The following JAKMIP1 variants were observed in gnomAD, a reference collection of about 807,000 sequenced individuals.
JAKMIP1 encodes the protein janus kinase and microtubule-interacting protein 1.
JAKMIP1 carries 33 observed loss-of-function variants against 113.0 expected under a neutral mutation model. The ratio of observed to expected loss-of-function variants is 0.29; its 90% CI spans 0.22 to 0.39. JAKMIP1 has a LOEUF of 0.39. JAKMIP1 is among the 10% of genes least tolerant of loss of function. The pLI is 1.00. For synonymous variants in JAKMIP1, 480 were observed against 459.9 expected (o/e 1.04, Z -0.56); for missense variants, 813 against 1,080.5 (o/e 0.75, Z 3.47).
intron 16 of JAKMIP1, among the ~76,000 whole-genome samples, chr4:6,043,762 A>G (rs533018274): frequency 1.5e-5 from 1 of 68,870 alleles, no homozygotes; most frequent in African/African-American, 6.0e-5. Flanking sequence ...CTGCCCCCCC[A>G]GCCAGCAAGT....
chr4:6,028,880 A>G (rs1712209327), intron 20 of JAKMIP1, among the ~76,000 whole-genome samples: 1 of 152,236 alleles, frequency 6.6e-6, no homozygotes, highest in African/African-American at 2.4e-5. Flanking sequence ...CTCATCTAGA[A>G]TCATTTGCGT....
chr4:6,087,134 G>C (rs1318435744), intron 3 of JAKMIP1, among the ~76,000 whole-genome samples: 3 of 152,180 alleles, frequency 2.0e-5, no homozygotes, highest in Admixed American at 6.5e-5. Context: ...CATTTCAGTG[G>C]ATTACAATCC....
At chr4:6,068,136 C>T (rs1025686412) in intron 8 of JAKMIP1, among the ~76,000 whole-genome samples, 9 of 152,206 alleles carry the variant, frequency 5.9e-5, no homozygotes, top group Non-Finnish European at 1.0e-4. Flanking sequence ...AAAGACTCAA[C>T]TCTCAAGCCC....
chr4:6,147,563 C>T (rs979849161), intron 1 of JAKMIP1, among the ~76,000 whole-genome samples: 6 of 152,186 alleles, frequency 3.9e-5, no homozygotes, highest in African/African-American at 1.4e-4. Flanking sequence ...GACTAGATGG[C>T]TCCAAACGGT....
chr4:6,109,350 GTCTCGA>G, intron 2 of JAKMIP1, among the ~76,000 whole-genome samples: 1 of 151,700 alleles, frequency 6.6e-6, no homozygotes, highest in Non-Finnish European at 1.5e-5. Context: ...AGCCAGGATG[GTCTCGA>G]TCTCCTGACC....
chr4:6,140,098 T>C lies in JAKMIP1; in HGVS notation c.-147-27101A>G, dbSNP rs1348165669. On this transcript the variant is annotated intron_variant, in intron 1 of 20. Coordinates refer to ENST00000409021, the MANE Select transcript of JAKMIP1 (RefSeq NM_001099433.2). The surrounding 1 kb of genome is among the most constrained non-coding windows in gnomAD (Gnocchi z 9.4). Reference sequence around the variant, plus strand: ...AATATATTTATTAGATGGATTGAGATGTACTGAGAATAGCTATGAACTATT... The same window carrying C: ...AATATATTTATTAGATGGATTGAGACGTACTGAGAATAGCTATGAACTATT... Among the ~76,000 whole-genome samples, 4 of 152,162 alleles carry C rather than the reference T, an allele frequency of 2.6e-5. No individual in the cohort carries two copies. Among genetic ancestry groups the C allele is most frequent in the Non-Finnish European group, 4.4e-5 (3 of 68,040 alleles).
chr4:6,105,501 C>T lies in JAKMIP1; in HGVS notation c.596G>A (p.Arg199His). The T allele has an allele frequency of 6.2e-7, 1 of 1,608,536 alleles. No homozygotes were observed. Among genetic ancestry groups the T allele is most frequent in the Non-Finnish European group, 8.5e-7 (1 of 1,178,176 alleles). ...AHQDEVHRIK[R>H]ECERDIRRLM... ...CCTGCGGATGTCGCGCTCGCACTCG[C>T]GCTTGATGCGGTGCACCTCGTCTTG... is the stretch of plus-strand genomic sequence containing the variant. Residue 199 changes from arginine to histidine, a missense_variant, in exon 3 of 21, where the codon CGC becomes CAC. Coordinates refer to ENST00000409021, the MANE Select transcript of JAKMIP1 (RefSeq NM_001099433.2).
rs969558171 is a variant in JAKMIP1 at position 6,093,234 on chromosome 4, C to T, written c.625-7605G>A. Among the ~76,000 whole-genome samples, 12 of 152,182 alleles carry T rather than the reference C, an allele frequency of 7.9e-5. No homozygotes were observed. The highest frequency in any genetic ancestry group is 6.5e-4 in the Admixed American group (10 of 15,276). ...CTCTTCTTTGTTGCTGCCTCTTTGGCTTGCATGGTCCTATTACCAAACCGT... is the reference window on the plus strand; with the variant it reads ...CTCTTCTTTGTTGCTGCCTCTTTGGTTTGCATGGTCCTATTACCAAACCGT... On this transcript the variant is annotated intron_variant, in intron 3 of 20. Coordinates refer to ENST00000409021, the MANE Select transcript of JAKMIP1 (RefSeq NM_001099433.2). This position sits in a 1 kb window ranked among gnomAD's most constrained non-coding sequence, Gnocchi z 4.6.
intron 8 of JAKMIP1, among the ~76,000 whole-genome samples, chr4:6,074,265 C>G (rs1719389920): frequency 1.3e-5 from 2 of 152,240 alleles, no homozygotes; most frequent in Admixed American, 6.5e-5. Flanking sequence ...TCTGCCCTGA[C>G]TGCATCTTCT....
At chr4:6,120,509 C>T (rs1390524645) in intron 1 of JAKMIP1, among the ~76,000 whole-genome samples, 1 of 152,158 alleles carries the variant, frequency 6.6e-6, no homozygotes, top group African/African-American at 2.4e-5. Flanking sequence ...CATCAGCCCA[C>T]TCAGAAACAG....
At position 6,155,858 on chromosome 4, in the gene JAKMIP1, G is replaced by C. The variant is rs1006950211; in HGVS notation, c.-147-42861C>G. Among the ~76,000 whole-genome samples, 1 of 152,144 alleles carries C rather than the reference G, an allele frequency of 6.6e-6. No individual in the cohort carries two copies. Among genetic ancestry groups the C allele is most frequent in the Non-Finnish European group, 1.5e-5 (1 of 68,026 alleles). On this transcript the variant is annotated intron_variant, in intron 1 of 20. Coordinates refer to ENST00000409021, the MANE Select transcript of JAKMIP1 (RefSeq NM_001099433.2). The surrounding 1 kb of genome is among the most constrained non-coding windows in gnomAD (Gnocchi z 6.1). Reference sequence around the variant, plus strand: ...TCCTGGGTCCTGCCCTAGACCTCATGAATGGCACTCTCTAGAGGTGGGGCC... The same window carrying C: ...TCCTGGGTCCTGCCCTAGACCTCATCAATGGCACTCTCTAGAGGTGGGGCC...
In JAKMIP1 at chr4:6,044,368, C is replaced by G. The variant is rs930203616; in HGVS notation, c.2029-2141G>C. Reference sequence around the variant, plus strand: ...GTTGGTGGGGTGTGTGCTGCCTGAACAGAGGGGACTAGAACTGATCGGCTC... The same window carrying G: ...GTTGGTGGGGTGTGTGCTGCCTGAAGAGAGGGGACTAGAACTGATCGGCTC... On this transcript the variant is annotated intron_variant, in intron 16 of 20. Coordinates refer to ENST00000409021, the MANE Select transcript of JAKMIP1 (RefSeq NM_001099433.2). This position sits in a 1 kb window ranked among gnomAD's most constrained non-coding sequence, Gnocchi z 4.4. Among the ~76,000 whole-genome samples, 73 of 152,044 alleles carry G rather than the reference C, an allele frequency of 4.8e-4. No individual in the cohort carries two copies. The highest frequency in any genetic ancestry group is 4.4e-5 in the Non-Finnish European group (3 of 68,022).
At chr4:6,190,890 G>A (rs1051647128) in intron 1 of JAKMIP1, among the ~76,000 whole-genome samples, 12 of 152,174 alleles carry the variant, frequency 7.9e-5, no homozygotes, top group Non-Finnish European at 1.3e-4. Flanking sequence ...GAAAGCAGTG[G>A]AGATGGGGTC....
At chr4:6,033,057 A>G (rs1367212080) in intron 19 of JAKMIP1, among the ~76,000 whole-genome samples, 1 of 152,226 alleles carries the variant, frequency 6.6e-6, no homozygotes, top group African/African-American at 2.4e-5. Flanking sequence ...CTTCACTCCA[A>G]CCTTCACTCA....
intron 8 of JAKMIP1, among the ~76,000 whole-genome samples, chr4:6,072,121 C>T (rs1357768273): frequency 6.6e-6 from 1 of 152,190 alleles, no homozygotes; most frequent in Non-Finnish European, 1.5e-5. Flanking sequence ...TGTTGATTTA[C>T]TGAGCACAAG....
intron 18 of JAKMIP1, among the ~76,000 whole-genome samples, chr4:6,037,432 T>C (rs71599868): frequency 5.7e-3 from 459 of 80,372 alleles, no homozygotes; most frequent in African/African-American, 0.019. Context: ...CCTCCATCAC[T>C]GAGGCAGAGG....
intron 18 of JAKMIP1, among the ~76,000 whole-genome samples, chr4:6,037,600 C>G (rs1268831865): frequency 7.3e-6 from 1 of 137,528 alleles, no homozygotes; most frequent in Non-Finnish European, 1.6e-5. Context: ...CCTCCATCAC[C>G]GAGGCAGAGG....
intron 19 of JAKMIP1, among the ~76,000 whole-genome samples, chr4:6,030,085 C>T (rs746605987): frequency 6.6e-6 from 1 of 152,188 alleles, no homozygotes; most frequent in Non-Finnish European, 1.5e-5. Flanking sequence ...AATAGAATTA[C>T]ACAGTACACA....
At chr4:6,041,706 C>T (rs572909795) in intron 17 of JAKMIP1, among the ~76,000 whole-genome samples, 1 of 152,328 alleles carries the variant, frequency 6.6e-6, no homozygotes, top group East Asian at 1.9e-4. Flanking sequence ...AATGAGAAAA[C>T]TAAAGTCCAG....
Sources: gnomAD v4.1 joint callset for allele counts (sites outside exome capture counted in the v4.1 genomes callset) on GRCh38, gnomAD v4.1.1 for gene constraint, Gnocchi (gnomAD v3.1) non-coding constraint, MANE v1.5 for transcripts, NCBI Gene and HGNC (gene_info 2026-07-23, HGNC 2026-07-21) for gene names.